The following NBEAL1 variants were observed in gnomAD, a reference collection of about 807,000 sequenced individuals.
NBEAL1 encodes neurobeachin-like protein 1.
Under a neutral mutation model 351.3 loss-of-function variants are expected in NBEAL1, and 273 were observed. The observed-to-expected ratio is 0.78, with a 90% CI of 0.70 to 0.86. The LOEUF is 0.86. NBEAL1 is among the 40% of genes least tolerant of loss of function. The pLI is 0.00. For synonymous variants in NBEAL1, 1,050 were observed against 1,086.4 expected (o/e 0.97, Z 0.66); for missense variants, 2,961 against 3,201.3 (o/e 0.92, Z 1.81).
chr2:203,143,351 T>C (rs1197534410), intron 31 of NBEAL1, among the ~76,000 whole-genome samples: 2 of 152,270 alleles, frequency 1.3e-5, no homozygotes, highest in Admixed American at 1.3e-4. Flanking sequence ...TAGTTCGGTT[T>C]CTGATCAAGG....
chr2:203,087,427 A>C (rs2061988031), intron 10 of NBEAL1, among the ~76,000 whole-genome samples: 2 of 151,994 alleles, frequency 1.3e-5, no homozygotes, highest in African/African-American at 4.8e-5. Context: ...TTGAAGCCAA[A>C]ACTATCTCTT....
chr2:203,105,635 C>A (rs1024668291), intron 12 of NBEAL1, among the ~76,000 whole-genome samples: 1 of 152,090 alleles, frequency 6.6e-6, no homozygotes, highest in African/African-American at 2.4e-5. Flanking sequence ...GTATGTAATA[C>A]ATGTGGCTTA....
chr2:203,180,399 G>T lies in NBEAL1; in HGVS notation c.6482G>T (p.Arg2161Leu). Residue 2161 changes from arginine (R) to leucine (L), a missense_variant, in exon 43 of 56, where the codon CGA (arginine) becomes CTA (leucine). By Grantham distance (102) the Arg-to-Leu change is moderately radical. Coordinates refer to ENST00000683969, the MANE Select transcript of NBEAL1 (RefSeq NM_001378026.1). Reference sequence around the variant, plus strand: ...ACATGCAGGTTTGACTGTGCAGATCGACAGTTCCATTCTATTCCTGCTACC... The same window carrying T: ...ACATGCAGGTTTGACTGTGCAGATCTACAGTTCCATTCTATTCCTGCTACC... ...LQSGRFDCADRQFHSIPATWQ... is the reference protein window; with the variant it reads ...LQSGRFDCADLQFHSIPATWQ... 1.2e-6 allele frequency: 2 copies of T among 1,609,164 alleles called. No homozygotes were observed. Among genetic ancestry groups the T allele is most frequent in the South Asian group, 2.2e-5 (2 of 89,834 alleles).
intron 39 of NBEAL1, 104 bp from the exon 40 acceptor site, chr2:203,171,822 CTT>C (rs5837845): frequency 3.5e-3 from 1,317 of 379,330 alleles, no homozygotes; most frequent in South Asian, 7.7e-3. Flanking sequence ...CCTGTTGTAC[CTT>C]TTTTTTTTTT....
intron 42 of NBEAL1, among the ~76,000 whole-genome samples, chr2:203,176,729 C>CAA (rs10655926): frequency 0.029 from 3,857 of 133,108 alleles, 87 homozygotes; most frequent in African/African-American, 0.048. Flanking sequence ...GAAACTGTCT[C>CAA]AAAAAAAAAA....
At chr2:203,168,349 G>T (rs749302781) in intron 38 of NBEAL1, among the ~76,000 whole-genome samples, 1 of 152,238 alleles carries the variant, frequency 6.6e-6, no homozygotes, top group Non-Finnish European at 1.5e-5. Flanking sequence ...ACTTTGGGAG[G>T]CCGAGGCGGG....
intron 12 of NBEAL1, among the ~76,000 whole-genome samples, chr2:203,102,723 A>C (rs2062352598): frequency 1.3e-5 from 2 of 152,034 alleles, no homozygotes; most frequent in Admixed American, 6.6e-5. Context: ...GTTTTGTTGA[A>C]GATTTTTGCA....
At chr2:203,128,051 G>T in intron 24 of NBEAL1, 114 bp downstream of exon 24, 1 of 760,946 alleles carries the variant, frequency 1.3e-6, no homozygotes, top group East Asian at 2.9e-5. Flanking sequence ...TATGTGTAGT[G>T]TCACATTCAA....
intron 17 of NBEAL1, among the ~76,000 whole-genome samples, chr2:203,114,011 C>G (rs530699545): frequency 1.3e-5 from 2 of 151,950 alleles, no homozygotes; most frequent in Non-Finnish European, 2.9e-5. Context: ...TTAGTAGAGA[C>G]GAGGGTTTAA....
At chr2:203,026,358 A>T (rs1234880594) in intron 2 of NBEAL1, among the ~76,000 whole-genome samples, 2 of 152,158 alleles carry the variant, frequency 1.3e-5, no homozygotes, top group Non-Finnish European at 2.9e-5. Flanking sequence ...ACAATTACTA[A>T]GAATAGTTTT....
chr2:203,151,640 G>A (rs756542871), intron 35 of NBEAL1, 51 bp downstream of exon 35: 10 of 1,503,220 alleles, frequency 6.7e-6, no homozygotes, highest in African/African-American at 2.8e-5. Context: ...GAGAGTGTTC[G>A]TGGGGTTGAC....
chr2:203,054,570 A>G (rs2061376570), intron 4 of NBEAL1, among the ~76,000 whole-genome samples: 1 of 152,008 alleles, frequency 6.6e-6, no homozygotes, highest in Admixed American at 6.6e-5. Context: ...CACTACACCC[A>G]ACCTCTTTTT....
In NBEAL1 at chr2:203,128,004, G is replaced by A. The variant is rs117646217; in HGVS notation, c.3405+67G>A. 2.3e-5 allele frequency: 27 copies of A among 1,171,656 alleles called. No homozygotes were observed. In the East Asian group the frequency reaches 5.0e-4, roughly 22 times the overall value. 72.6% of individuals were successfully genotyped at this position (1,171,656 alleles called of 1,614,324 possible). On this transcript the variant is annotated intron_variant, in intron 24 of 55. Transcript: ENST00000683969. ...TGAGTTGCTACATCATCTTCTGAAC[G>A]TATGTTTGTGTCTAGTTAAATATTT...
At chr2:203,080,062 T>A (rs557610610) in intron 8 of NBEAL1, among the ~76,000 whole-genome samples, 51 of 152,322 alleles carry the variant, frequency 3.3e-4, no homozygotes, top group Non-Finnish European at 6.3e-4. Flanking sequence ...ATTTAATATG[T>A]CCAATTGAGA....
Position 203,209,315 on chromosome 2 carries a change from C to T in NBEAL1, c.7778C>T (p.Thr2593Ile), listed in dbSNP as rs1444792288. The stretch of plus-strand genomic sequence containing the variant: ...TACTCCAGCACTGAAGAAAAGACCA[C>T]CCTCAAGGTATATGACCTTTCATGC... ...VVYSSTEEKTTLKDKNALHLF... is the reference protein window; with the variant it reads ...VVYSSTEEKTILKDKNALHLF... Residue 2593 changes from threonine to isoleucine, a missense_variant, in exon 53 of 56, where the codon ACC becomes ATC. By Grantham distance (89) the Thr-to-Ile change is moderately conservative (BLOSUM62 -1). Transcript: ENST00000683969. 4 of 1,613,294 alleles carry T rather than the reference C, an allele frequency of 2.5e-6. No individual in the cohort carries two copies. Among genetic ancestry groups the T allele is most frequent in the Admixed American group, 3.3e-5 (2 of 60,018 alleles).
intron 27 of NBEAL1, among the ~76,000 whole-genome samples, chr2:203,134,967 G>A (rs1422257893): frequency 6.6e-6 from 1 of 152,158 alleles, no homozygotes; most frequent in East Asian, 1.9e-4. Context: ...CAGGAGGTCA[G>A]GAGTTCGAGA....
intron 2 of NBEAL1, among the ~76,000 whole-genome samples, chr2:203,023,556 G>T (rs2060802412): frequency 6.6e-6 from 1 of 151,448 alleles, no homozygotes; most frequent in Non-Finnish European, 1.5e-5. Flanking sequence ...AAGTGTAAGT[G>T]TGGAGTATAA....
Position 203,174,903 on chromosome 2 carries a change from A to C in NBEAL1, c.6324-244A>C, listed in dbSNP as rs1223194623. On this transcript the variant is annotated intron_variant, in intron 41 of 55. Coordinates refer to ENST00000683969, the MANE Select transcript of NBEAL1 (RefSeq NM_001378026.1). ...TAAATAAATAAATAAATAAAAATAA[A>C]AATGAAAACTATTCCAGAATTAAGT... Among the ~76,000 whole-genome samples the C allele has an allele frequency of 5.3e-5, 8 of 151,636 alleles. No homozygotes were observed. The East Asian group carries it at 1.5e-3, about 29-fold the overall frequency.
At position 203,062,402 on chromosome 2, in the gene NBEAL1, A is replaced by G. The variant is rs577259680; in HGVS notation, c.515+4949A>G. The G allele has an allele frequency of 2.3e-5, 10 of 437,266 alleles. No homozygotes were observed. The highest frequency in any genetic ancestry group is 1.8e-4 in the African/African-American group (9 of 49,134). 27.1% of individuals were successfully genotyped at this position (437,266 alleles called of 1,614,324 possible). On this transcript the variant is annotated intron_variant, in intron 6 of 55. Transcript: ENST00000683969. This position sits in a 1 kb window ranked among gnomAD's most constrained non-coding sequence, Gnocchi z 4.2. ...CACATCCTCAAAAGTCACTGAGTCCATGTTCCAGCTTCCAGCATGCTCCAG... is the reference window on the plus strand; with the variant it reads ...CACATCCTCAAAAGTCACTGAGTCCGTGTTCCAGCTTCCAGCATGCTCCAG...
Sources: allele counts gnomAD v4.1 joint callset (sites outside exome capture counted in the v4.1 genomes callset), GRCh38; gene constraint gnomAD v4.1.1; non-coding constraint Gnocchi (gnomAD v3.1); transcripts MANE v1.5; gene names NCBI Gene and HGNC (gene_info 2026-07-23, HGNC 2026-07-21).